Variants in JAK2 observed in about 807,000 individuals in gnomAD.
The protein encoded by JAK2 is Janus kinase 2.
JAK2 carries 86 observed loss-of-function variants against 139.3 expected under a neutral mutation model. The observed-to-expected ratio is 0.62, with a 90% CI of 0.52 to 0.74. JAK2 has a LOEUF of 0.74. JAK2 is among the 30% of genes least tolerant of loss of function. JAK2 has a pLI of 0.00. For synonymous variants in JAK2, 490 were observed against 437.7 expected (o/e 1.12, Z -1.49); for missense variants, 1,421 against 1,360.3 (o/e 1.04, Z -0.70).
chr9:5,008,273 A>T (rs553064549), intron 2 of JAK2, among the ~76,000 whole-genome samples: 2 of 152,360 alleles, frequency 1.3e-5, no homozygotes, highest in African/African-American at 2.4e-5. Flanking sequence ...TGATTTCATT[A>T]ATAATTTGTT....
intron 4 of JAK2, among the ~76,000 whole-genome samples, chr9:5,034,255 C>G (rs1283022920): frequency 6.6e-6 from 1 of 152,068 alleles, no homozygotes; most frequent in Non-Finnish European, 1.5e-5. Context: ...TCCTTAGAGA[C>G]CTACAAAGAG....
intron 3 of JAK2, among the ~76,000 whole-genome samples, chr9:5,029,232 T>C (rs574900122): frequency 6.6e-6 from 1 of 152,268 alleles, no homozygotes; most frequent in Admixed American, 6.5e-5. Flanking sequence ...TAGAGAGGCC[T>C]AAGGAGAGGG....
chr9:5,035,677 A>G (rs541316451), intron 4 of JAK2, among the ~76,000 whole-genome samples: 20 of 152,378 alleles, frequency 1.3e-4, no homozygotes, highest in African/African-American at 4.1e-4. Context: ...GCAAAATTCA[A>G]CAACCCTTCA....
chr9:5,037,596 C>G (rs991215134), intron 4 of JAK2, among the ~76,000 whole-genome samples: 2 of 152,126 alleles, frequency 1.3e-5, no homozygotes, highest in Admixed American at 1.3e-4. Flanking sequence ...TCTCAGCAAA[C>G]TATCGCAAGG....
At chr9:5,112,199 G>A (rs944611588) in intron 22 of JAK2, 7 of 272,064 alleles carry the variant, frequency 2.6e-5, no homozygotes, top group African/African-American at 1.4e-4. Flanking sequence ...GGCTTCGCCG[G>A]CCCCATGCTG....
At chr9:5,064,164 C>G (rs1818399061) in intron 8 of JAK2, among the ~76,000 whole-genome samples, 1 of 150,096 alleles carries the variant, frequency 6.7e-6, no homozygotes, top group Non-Finnish European at 1.5e-5. Context: ...TGGGCGGGGG[C>G]CACAAAAAAA....
chr9:5,117,648 G>C (rs1284046146), intron 22 of JAK2, among the ~76,000 whole-genome samples: 1 of 150,626 alleles, frequency 6.6e-6, no homozygotes, highest in Non-Finnish European at 1.5e-5. Flanking sequence ...TATGTTAACA[G>C]GTAATGGTTT....
chr9:5,069,970 TACCAACCTC>T lies in JAK2; in HGVS notation c.1566_1574del (p.Ser523_Thr525del). 6.2e-7 allele frequency: 1 copy of T among 1,608,318 alleles called. No individual in the cohort carries two copies. The highest frequency in any genetic ancestry group is 1.1e-5 in the South Asian group (1 of 90,636). On this transcript the variant is annotated inframe_deletion, in exon 12 of 25. Transcript: ENST00000381652. ...TTCAGAACGAATGGTGTTTCTGATGTACCAACCTCACCAACATTACAGAGGCCTACTCAT... is the reference window on the plus strand; with the variant it reads ...TTCAGAACGAATGGTGTTTCTGATGTACCAACATTACAGAGGCCTACTCAT...
At chr9:5,085,759 C>T (rs773211816) in intron 19 of JAK2, 3 of 754,768 alleles carry the variant, frequency 4.0e-6, no homozygotes, top group South Asian at 2.8e-5. Context: ...CTAGCTTGCA[C>T]ATGTCGGGAG....
intron 2 of JAK2, among the ~76,000 whole-genome samples, chr9:5,019,727 T>G (rs1251733701): frequency 6.6e-6 from 1 of 152,206 alleles, no homozygotes; most frequent in Non-Finnish European, 1.5e-5. Context: ...CTGGGGTGTT[T>G]GTTGGCCAGG....
intron 5 of JAK2, among the ~76,000 whole-genome samples, chr9:5,047,860 C>G (rs548561004): frequency 2.0e-5 from 3 of 152,148 alleles, no homozygotes; most frequent in Non-Finnish European, 4.4e-5. Flanking sequence ...CTCAGCCTCC[C>G]AAAGTGCTGG....
At chr9:5,095,865 C>T (rs1358248230) in intron 22 of JAK2, among the ~76,000 whole-genome samples, 1 of 152,126 alleles carries the variant, frequency 6.6e-6, no homozygotes, top group Non-Finnish European at 1.5e-5. Context: ...TAACAACTAC[C>T]ACATTTCTAG....
At chr9:4,991,994 T>C (rs1820283177) in intron 2 of JAK2, among the ~76,000 whole-genome samples, 1 of 152,180 alleles carries the variant, frequency 6.6e-6, no homozygotes, top group African/African-American at 2.4e-5. Flanking sequence ...TTAAAACAAC[T>C]ACTTTATTAG....
chr9:5,007,925 C>G (rs1332275868), intron 2 of JAK2, among the ~76,000 whole-genome samples: 1 of 151,890 alleles, frequency 6.6e-6, no homozygotes, highest in Non-Finnish European at 1.5e-5. Flanking sequence ...AACAGGGTCT[C>G]ACTACATTGG....
At chr9:5,040,983 A>G in intron 4 of JAK2, 1 of 615,934 alleles carries the variant, frequency 1.6e-6, no homozygotes, top group Non-Finnish European at 3.0e-6. Flanking sequence ...TGGCTATCAA[A>G]TTGGAGCTGA....
chr9:5,068,404 C>G (rs1057216687), intron 10 of JAK2, among the ~76,000 whole-genome samples: 2 of 152,054 alleles, frequency 1.3e-5, no homozygotes, highest in African/African-American at 4.8e-5. Flanking sequence ...AATGGTGGTG[C>G]AGTGGAATGG....
At chr9:5,002,466 A>G (rs1820981128) in intron 2 of JAK2, among the ~76,000 whole-genome samples, 1 of 151,992 alleles carries the variant, frequency 6.6e-6, no homozygotes, top group Non-Finnish European at 1.5e-5. Flanking sequence ...ATTTATTTCT[A>G]ATTCAATTTT....
intron 5 of JAK2, among the ~76,000 whole-genome samples, chr9:5,048,421 G>T (rs1431464611): frequency 6.6e-6 from 1 of 152,132 alleles, no homozygotes; most frequent in Non-Finnish European, 1.5e-5. Context: ...GATTACAGGT[G>T]TGAGCCACTG....
At chr9:5,029,739 C>T in intron 3 of JAK2, 44 bp from the exon 4 acceptor site, 1 of 1,506,216 alleles carries the variant, frequency 6.6e-7, no homozygotes, top group Non-Finnish European at 8.9e-7. Context: ...TAAAAATATT[C>T]TGTTGTGTAC....
Sources: allele counts gnomAD v4.1 joint callset (sites outside exome capture counted in the v4.1 genomes callset), GRCh38; gene constraint gnomAD v4.1.1; transcripts MANE v1.5; gene names NCBI Gene and HGNC (gene_info 2026-07-23, HGNC 2026-07-21).